The following MYO16 variants were observed in gnomAD, a reference collection of about 807,000 sequenced individuals.
MYO16 encodes unconventional myosin-XVI.
A neutral mutation model predicts 205.3 loss-of-function variants in MYO16; 94 were observed. The observed-to-expected ratio is 0.46, with a 90% CI of 0.39 to 0.54. The LOEUF (loss-of-function observed/expected upper bound fraction) is 0.54, where lower values mean the gene tolerates loss of function less well. Among genes scored for constraint, MYO16 ranks in the 20% least tolerant of loss-of-function variants. The pLI is 0.00. For synonymous variants in MYO16, 988 were observed against 954.0 expected, an observed-to-expected ratio of 1.04 and a Z score of -0.66; for missense variants, 2,315 against 2,387.5, an observed-to-expected ratio of 0.97 and a Z score of 0.63.
At chr13:108,567,438 A>T in the MYO16 span, among the ~76,000 whole-genome samples, 1 of 152,324 alleles carries the variant, frequency 6.6e-6, no homozygotes, top group Non-Finnish European at 1.5e-5. Context: ...ACCCGAATTG[A>T]GATACAGCAA....
chr13:108,890,973 A>G (rs948741104), intron 14 of MYO16, among the ~76,000 whole-genome samples: 1 of 152,150 alleles, frequency 6.6e-6, no homozygotes, highest in Admixed American at 6.5e-5. Context: ...CTCCACAAGC[A>G]TCTATTAACA....
At chr13:108,598,382 T>C (rs866724316) in intron 1 of MYO16, among the ~76,000 whole-genome samples, 2 of 152,310 alleles carry the variant, frequency 1.3e-5, no homozygotes, top group Middle Eastern at 3.4e-3. Context: ...AATAATAAAA[T>C]TCTTATTTGT....
chr13:109,021,156 G>A (rs777229273), intron 23 of MYO16, among the ~76,000 whole-genome samples: 16 of 152,044 alleles, frequency 1.1e-4, no homozygotes, highest in Non-Finnish European at 2.1e-4. Flanking sequence ...TTGTATAGGA[G>A]AGAATCCATT....
intron 28 of MYO16, among the ~76,000 whole-genome samples, chr13:109,104,334 G>T (rs1346420633): frequency 1.3e-5 from 2 of 152,188 alleles, no homozygotes; most frequent in African/African-American, 4.8e-5. Flanking sequence ...CCTGCCCCTT[G>T]TACAGTGTCT....
intron 15 of MYO16, among the ~76,000 whole-genome samples, chr13:108,901,886 C>G (rs895883382): frequency 6.6e-6 from 1 of 152,130 alleles, no homozygotes; most frequent in Non-Finnish European, 1.5e-5. Context: ...GTAGGACCCA[C>G]AGTGCCCTGA....
chr13:109,008,911 G>T lies in MYO16; in HGVS notation c.2457G>T (p.Met819Ile). The T allele has an allele frequency of 6.2e-7, 1 of 1,612,796 alleles. No individual in the cohort carries two copies. Among genetic ancestry groups the T allele is most frequent in the South Asian group, 1.1e-5 (1 of 90,638 alleles). Residue 819 changes from methionine to isoleucine, a missense_variant, in exon 22 of 35, where the codon ATG becomes ATT. Transcript: ENST00000457511. ...CTCCACAACAGCTTTGTGTCAACAT[G>T]ACCAATGAGAAGATGCACCACTATA... ...KNEFEQLCVN[M>I]TNEKMHHYIN...
intron 28 of MYO16, among the ~76,000 whole-genome samples, chr13:109,119,969 G>A (rs1875907661): frequency 6.6e-6 from 1 of 152,206 alleles, no homozygotes; most frequent in African/African-American, 2.4e-5. Context: ...GGTCTTTTGA[G>A]TATTTGTTTT....
At chr13:108,822,130 T>C (rs1594320543) in intron 8 of MYO16, among the ~76,000 whole-genome samples, 1 of 152,172 alleles carries the variant, frequency 6.6e-6, no homozygotes, top group African/African-American at 2.4e-5. Flanking sequence ...ATCAGTACTA[T>C]AGTATATTGC....
At chr13:108,632,155 G>A (rs1419909482) in intron 1 of MYO16, among the ~76,000 whole-genome samples, 1 of 151,430 alleles carries the variant, frequency 6.6e-6, no homozygotes, top group Non-Finnish European at 1.5e-5. Context: ...ATAATTCATG[G>A]TTTAATGGTT....
intron 16 of MYO16, among the ~76,000 whole-genome samples, chr13:108,946,552 A>G (rs1224107464): frequency 6.6e-6 from 1 of 152,226 alleles, no homozygotes; most frequent in Non-Finnish European, 1.5e-5. Context: ...ATGAGAATCC[A>G]CCAGGAATTT....
chr13:108,846,158 A>G (rs1400933665), intron 10 of MYO16, among the ~76,000 whole-genome samples: 2 of 152,222 alleles, frequency 1.3e-5, no homozygotes, highest in African/African-American at 2.4e-5. Flanking sequence ...AAAAATGACT[A>G]TTAATTAACT....
At chr13:109,169,686 A>G (rs927256096) in intron 33 of MYO16, among the ~76,000 whole-genome samples, 3 of 152,230 alleles carry the variant, frequency 2.0e-5, no homozygotes, top group Non-Finnish European at 4.4e-5. Context: ...ATAACACCGT[A>G]AATGTTAAAT....
At chr13:109,022,559 C>T (rs1348233249) in intron 23 of MYO16, among the ~76,000 whole-genome samples, 1 of 123,360 alleles carries the variant, frequency 8.1e-6, no homozygotes, top group Admixed American at 9.1e-5. Flanking sequence ...TTTCTATATT[C>T]TACATACACA....
intron 21 of MYO16, among the ~76,000 whole-genome samples, chr13:109,004,186 G>C (rs1305884803): frequency 6.6e-6 from 1 of 152,070 alleles, no homozygotes; most frequent in African/African-American, 2.4e-5. Context: ...AATTGTTGCA[G>C]TAAATGACCT....
chr13:108,925,043 G>T (rs1039452094), intron 16 of MYO16, among the ~76,000 whole-genome samples: 1 of 152,258 alleles, frequency 6.6e-6, no homozygotes, highest in South Asian at 2.1e-4. Flanking sequence ...CTGCCACTGT[G>T]TTGTTCAGAA....
rs1253165790 is a variant in MYO16 at position 108,793,706 on chromosome 13, G to T, written c.741+66G>T. ...AATTTAAGTTGATCTATAAAACATAGAATTCATTAAATTAACCTTTAAATA... is the reference window on the plus strand; with the variant it reads ...AATTTAAGTTGATCTATAAAACATATAATTCATTAAATTAACCTTTAAATA... On this transcript the variant is annotated intron_variant, in intron 6 of 34. Coordinates refer to ENST00000457511, the MANE Select transcript of MYO16 (RefSeq NM_001198950.3). 1.8e-5 allele frequency: 26 copies of T among 1,458,020 alleles called. No homozygotes were observed. In the East Asian group the frequency reaches 6.1e-4, roughly 34 times the overall value. The allele number at this position is 1,458,020 out of a possible 1,614,324, so 90.3% of individuals were successfully genotyped here.
chr13:109,115,106 A>C (rs976089199), intron 28 of MYO16, among the ~76,000 whole-genome samples: 2 of 152,020 alleles, frequency 1.3e-5, no homozygotes, highest in African/African-American at 2.4e-5. Flanking sequence ...CAGCACTCCT[A>C]AAAATTGTCT....
At chr13:109,193,922 C>G (rs1171564652) in intron 34 of MYO16, among the ~76,000 whole-genome samples, 5 of 152,132 alleles carry the variant, frequency 3.3e-5, no homozygotes, top group Non-Finnish European at 4.4e-5. Flanking sequence ...ACTCAATTAG[C>G]CTTTCTTCTT....
At chr13:108,568,250 A>G in the MYO16 span, among the ~76,000 whole-genome samples, 13 of 152,170 alleles carry the variant, frequency 8.5e-5, no homozygotes, top group Non-Finnish European at 1.6e-4. Context: ...TGATAACTCC[A>G]ATTTTAACAT....
Sources: gnomAD v4.1 joint callset for allele counts (sites outside exome capture counted in the v4.1 genomes callset) on GRCh38, gnomAD v4.1.1 for gene constraint, MANE v1.5 for transcripts, NCBI Gene and HGNC (gene_info 2026-07-23, HGNC 2026-07-21) for gene names.